The following ZNF248 variants were observed in gnomAD, a reference collection of about 807,000 sequenced individuals.
The protein encoded by ZNF248 is zinc finger protein 248.
A neutral mutation model predicts 44.3 loss-of-function variants in ZNF248; 20 were observed. The observed-to-expected ratio is 0.45, with a 90% confidence interval of 0.32 to 0.66. The LOEUF (loss-of-function observed/expected upper bound fraction) is 0.66, where lower values mean the gene tolerates loss of function less well. Among genes scored for constraint, ZNF248 ranks in the 30% least tolerant of loss-of-function variants. ZNF248 has a pLI of 0.04. For missense variants in ZNF248, 654 were observed against 677.0 expected (o/e 0.97, Z 0.38); for synonymous variants, 224 against 229.0 (o/e 0.98, Z 0.20).
intron 6 of ZNF248, among the ~76,000 whole-genome samples, chr10:37,789,476 GAT>G (rs2048261467): frequency 6.6e-6 from 1 of 152,142 alleles, no homozygotes; most frequent in Non-Finnish European, 1.5e-5. Context: ...AATCTAGAAA[GAT>G]AAGCCATTTT....
intron 3 of ZNF248, among the ~76,000 whole-genome samples, chr10:37,844,123 T>A (rs571005599): frequency 7.2e-5 from 11 of 152,208 alleles, no homozygotes; most frequent in Non-Finnish European, 1.6e-4. Flanking sequence ...CACATTATTA[T>A]CAAACTATCA....
Position 37,836,549 on chromosome 10 carries a change from A to G in ZNF248, c.238+1068T>C, listed in dbSNP as rs145297597. ...TCTGCCTGGACTACACTGAATCCAC[A>G]TAGCTCACACTTTCATATTAAAGCC... On this transcript the variant is annotated intron_variant, in intron 5 of 5. Coordinates refer to ENST00000395867, the MANE Select transcript of ZNF248 (RefSeq NM_021045.3). 7.3e-3 allele frequency among the ~76,000 whole-genome samples: 1,117 copies of G among 152,254 alleles called. 12 individuals carry two copies. The highest frequency in any genetic ancestry group is 0.026 in the African/African-American group (1,075 of 41,538).
intron 6 of ZNF248, among the ~76,000 whole-genome samples, chr10:37,777,821 T>C (rs1418394833): frequency 6.6e-6 from 1 of 151,972 alleles, no homozygotes; most frequent in African/African-American, 2.4e-5. Flanking sequence ...TTACTGAGAA[T>C]GATGACTTCC....
Position 37,831,119 on chromosome 10 carries a change from TAACA to T in ZNF248, c.*492_*495del. 2.2e-5 allele frequency: 31 copies of T among 1,423,314 alleles called. No individual in the cohort carries two copies. Among genetic ancestry groups the T allele is most frequent in the Non-Finnish European group, 2.8e-5 (30 of 1,085,210 alleles). The allele number at this position is 1,423,314 out of a possible 1,614,324, so 88.2% of individuals were successfully genotyped here. ...CAATGGTATTTAGTGTAGAAAATATTAACAAATACCATAGTAGTTACTCAATTAA... is the reference window on the plus strand; with the variant it reads ...CAATGGTATTTAGTGTAGAAAATATTAATACCATAGTAGTTACTCAATTAA... On this transcript the variant is annotated 3_prime_UTR_variant, in exon 6 of 6. Transcript: ENST00000395867.
intron 3 of ZNF248, among the ~76,000 whole-genome samples, chr10:37,850,548 A>T (rs2060048410): frequency 6.6e-6 from 1 of 152,220 alleles, no homozygotes; most frequent in Admixed American, 6.5e-5. Context: ...AAACCTTACT[A>T]TATGGTTACA....
In ZNF248 at chr10:37,819,345, T is replaced by G. The variant is rs111757851; in HGVS notation, c.330+13680A>C. 4.3e-6 allele frequency: 5 copies of G among 1,169,186 alleles called. No individual in the cohort carries two copies. In the African/African-American group the frequency reaches 4.5e-5, roughly 11 times the overall value. 72.4% of individuals were successfully genotyped at this position (1,169,186 alleles called of 1,614,324 possible). A position where few individuals can be genotyped will look rare whatever the true frequency, so the allele number is the denominator to read the frequency against. ...GAAAAGTAATCATACAGCTTAATTA[T>G]TCTGGGATGATCCAGTTCTTTATGA... On this transcript the variant is annotated intron_variant, in intron 6 of 6. Transcript: ENST00000615949.
exon 7 of ZNF248, chr10:37,776,545 A>G (rs1489218693): frequency 2.5e-6 from 1 of 398,350 alleles, no homozygotes; most frequent in East Asian, 3.6e-5. Context: ...CTTCACAAGA[A>G]CTGCTTTCTT....
chr10:37,813,979 T>C (rs1181577562), intron 6 of ZNF248, among the ~76,000 whole-genome samples: 4 of 152,234 alleles, frequency 2.6e-5, no homozygotes, highest in African/African-American at 4.8e-5. Context: ...TAATCCATTC[T>C]GATTTTGATT....
chr10:37,810,084 G>A (rs545697467), intron 6 of ZNF248, among the ~76,000 whole-genome samples: 1 of 152,310 alleles, frequency 6.6e-6, no homozygotes, highest in African/African-American at 2.4e-5. Flanking sequence ...TTTAAATGCA[G>A]ACCAGGTCTG....
chr10:37,764,008 T>G, the ZNF248 span, among the ~76,000 whole-genome samples: 4 of 152,162 alleles, frequency 2.6e-5, no homozygotes, highest in Non-Finnish European at 5.9e-5. Context: ...TCTGGGCACC[T>G]TGAAAACAGA....
intron 3 of ZNF248, among the ~76,000 whole-genome samples, chr10:37,845,749 T>G (rs1053479099): frequency 1.2e-4 from 18 of 152,026 alleles, no homozygotes; most frequent in Non-Finnish European, 2.2e-4. Context: ...GGGGGATAAA[T>G]GGAGTCAACA....
chr10:37,762,483 G>T, the ZNF248 span, among the ~76,000 whole-genome samples: 1 of 152,172 alleles, frequency 6.6e-6, no homozygotes, highest in Non-Finnish European at 1.5e-5. Flanking sequence ...CTTAACCACT[G>T]TATCAGGGGT....
At position 37,851,703 on chromosome 10, in the gene ZNF248, C is replaced by G. The variant is rs189030586; in HGVS notation, c.15+4593G>C. Among the ~76,000 whole-genome samples, 398 of 126,162 alleles carry G rather than the reference C, an allele frequency of 3.2e-3. 2 individuals carry two copies. The highest frequency in any genetic ancestry group is 0.011 in the African/African-American group (372 of 33,062). The allele number at this position is 126,162 out of a possible 152,430, so 82.8% of individuals were successfully genotyped here. A position where few individuals can be genotyped will look rare whatever the true frequency, so the allele number is the denominator to read the frequency against. On this transcript the variant is annotated intron_variant, in intron 3 of 5. Coordinates refer to ENST00000395867, the MANE Select transcript of ZNF248 (RefSeq NM_021045.3). ...GAAGAGAATATACAGGCAGAAAATA[C>G]ACATGAAAAGATTTTCATGCAAATA...
At chr10:37,768,498 G>A in the ZNF248 span, among the ~76,000 whole-genome samples, 1 of 152,162 alleles carries the variant, frequency 6.6e-6, no homozygotes, top group African/African-American at 2.4e-5. Context: ...CATGGAAACT[G>A]AACAACCTGC....
rs1426705577 is a variant in ZNF248 at position 37,830,901 on chromosome 10, A to G, written c.*714T>C. Reference sequence around the variant, plus strand: ...CCTTTGTTTTTAACTGTAAGTTTACATATTTTAAATAATGACTGCTTTTAA... The same window carrying G: ...CCTTTGTTTTTAACTGTAAGTTTACGTATTTTAAATAATGACTGCTTTTAA... On this transcript the variant is annotated 3_prime_UTR_variant, in exon 6 of 6. Transcript: ENST00000395867. 4.3e-6 allele frequency: 1 copy of G among 232,502 alleles called. No homozygotes were observed. Among genetic ancestry groups the G allele is most frequent in the Non-Finnish European group, 7.5e-6 (1 of 133,788 alleles). 14.4% of individuals were successfully genotyped at this position (232,502 alleles called of 1,614,324 possible).
intron 6 of ZNF248, among the ~76,000 whole-genome samples, chr10:37,785,009 A>G (rs2047724167): frequency 6.6e-6 from 1 of 152,192 alleles, no homozygotes; most frequent in African/African-American, 2.4e-5. Context: ...CTGTTTATAC[A>G]TGGGGAAAAC....
At chr10:37,851,047 C>T (rs1032273475) in intron 3 of ZNF248, among the ~76,000 whole-genome samples, 5 of 152,004 alleles carry the variant, frequency 3.3e-5, no homozygotes, top group Admixed American at 3.3e-4. Context: ...ACATATCTGA[C>T]AAAGGATTAC....
At chr10:37,761,713 C>G in the ZNF248 span, among the ~76,000 whole-genome samples, 1 of 152,292 alleles carries the variant, frequency 6.6e-6, no homozygotes, top group African/African-American at 2.4e-5. Context: ...TTCCTAAGAG[C>G]ATATTCTCCC....
intron 5 of ZNF248, among the ~76,000 whole-genome samples, chr10:37,836,701 AGT>A (rs918153051): frequency 6.6e-6 from 1 of 151,888 alleles, no homozygotes; most frequent in African/African-American, 2.4e-5. Flanking sequence ...GACCCAACAC[AGT>A]GTGTGTGTAC....
Sources: gnomAD v4.1 joint callset for allele counts (sites outside exome capture counted in the v4.1 genomes callset) on GRCh38, gnomAD v4.1.1 for gene constraint, MANE v1.5 for transcripts, NCBI Gene and HGNC (gene_info 2026-07-23, HGNC 2026-07-21) for gene names.